The following GDI2 variants were observed in gnomAD, a reference collection of about 807,000 sequenced individuals.
The protein encoded by GDI2 is rab GDP dissociation inhibitor beta.
A neutral mutation model predicts 54.2 loss-of-function variants in GDI2; 22 were observed. That is an observed-to-expected ratio of 0.41 (90% confidence interval 0.29 to 0.58). The LOEUF is 0.58. Among genes scored for constraint, GDI2 ranks in the 20% least tolerant of loss-of-function variants. The pLI is 0.35. For missense variants in GDI2, 422 were observed against 546.0 expected, an observed-to-expected ratio of 0.77 and a Z score of 2.26; for synonymous variants, 177 against 182.1, an observed-to-expected ratio of 0.97 and a Z score of 0.23.
At chr10:5,771,371 C>G (rs1840484893) in intron 7 of GDI2, among the ~76,000 whole-genome samples, 2 of 152,190 alleles carry the variant, frequency 1.3e-5, no homozygotes, top group Admixed American at 6.5e-5. Flanking sequence ...CACGTCCAGC[C>G]CCTTGAATGC....
At chr10:5,794,188 A>AAAAAAAATATATAT (rs1448053813) in intron 4 of GDI2, among the ~76,000 whole-genome samples, 1 of 40,340 alleles carries the variant, frequency 2.5e-5, no homozygotes, top group Non-Finnish European at 4.2e-5. Flanking sequence ...AAAAAAAAAA[A>AAAAAAAATATATAT]ATATATATAT....
intron 8 of GDI2, among the ~76,000 whole-genome samples, chr10:5,767,945 G>C (rs1056653041): frequency 5.3e-5 from 8 of 152,280 alleles, no homozygotes; most frequent in African/African-American, 1.7e-4. Context: ...CCTACTGTTA[G>C]TTAGAGCTGG....
chr10:5,796,995 T>C (rs574062520), intron 2 of GDI2, 133 bp from the exon 3 acceptor site: 61 of 507,688 alleles, frequency 1.2e-4, no homozygotes, highest in Non-Finnish European at 1.4e-4. Flanking sequence ...GGGCATTTCA[T>C]CTTTTATCAG....
chr10:5,772,667 G>GA (rs1426579604), intron 7 of GDI2, among the ~76,000 whole-genome samples: 2 of 152,146 alleles, frequency 1.3e-5, no homozygotes, highest in Non-Finnish European at 2.9e-5. Flanking sequence ...TGAGGTAGGA[G>GA]AATCACTTGA....
intron 4 of GDI2, among the ~76,000 whole-genome samples, chr10:5,793,157 G>A (rs1022068698): frequency 2.6e-5 from 4 of 151,830 alleles, no homozygotes; most frequent in African/African-American, 9.7e-5. Context: ...ACCACATCTG[G>A]CTAATTTTCT....
At chr10:5,783,630 T>C (rs537675840) in intron 6 of GDI2, among the ~76,000 whole-genome samples, 36 of 152,334 alleles carry the variant, frequency 2.4e-4, no homozygotes, top group South Asian at 1.7e-3. Context: ...TTAGCAGTTC[T>C]TGTAGTGCTG....
At position 5,766,276 on chromosome 10, in the gene GDI2, G is replaced by A; in HGVS notation, c.1156C>T (p.Leu386Phe). 3 of 1,613,458 alleles carry A rather than the reference G, an allele frequency of 1.9e-6. No homozygotes were observed. Among genetic ancestry groups the A allele is most frequent in the Non-Finnish European group, 1.7e-6 (2 of 1,179,394 alleles). Reference protein sequence around the residue: ...IEQKFVSISDLLVPKDLGTES... With the variant: ...IEQKFVSISDFLVPKDLGTES... ...GTTCCCAAGTCTTTTGGTACCAGGA[G>A]GTCACTGATGCTAACAAATCTGGAG... Residue 386 changes from leucine (L) to phenylalanine (F), a missense_variant, in exon 10 of 11, where the codon CTC (leucine) becomes TTC (phenylalanine). By Grantham distance (22) the Leu-to-Phe change is conservative (BLOSUM62 0). Transcript: ENST00000380191. This position sits in a 1 kb window ranked among gnomAD's most constrained non-coding sequence, Gnocchi z 5.8.
At chr10:5,771,655 C>G (rs1840491725) in intron 7 of GDI2, among the ~76,000 whole-genome samples, 1 of 151,912 alleles carries the variant, frequency 6.6e-6, no homozygotes, top group Non-Finnish European at 1.5e-5. Context: ...TAAGGCTATG[C>G]TTCCTAAGAA....
intron 2 of GDI2, among the ~76,000 whole-genome samples, chr10:5,800,316 C>A (rs945231807): frequency 2.6e-5 from 4 of 152,046 alleles, no homozygotes; most frequent in African/African-American, 9.7e-5. Flanking sequence ...ATAAATAAAG[C>A]CATGAGGAAA....
intron 1 of GDI2, among the ~76,000 whole-genome samples, chr10:5,804,079 A>G (rs1841323404): frequency 7.0e-6 from 1 of 142,468 alleles, no homozygotes; most frequent in African/African-American, 2.5e-5. Context: ...TCACTATAGG[A>G]GTGTGAATCA....
chr10:5,792,662 T>C (rs1345726893), intron 4 of GDI2, among the ~76,000 whole-genome samples: 1 of 143,660 alleles, frequency 7.0e-6, no homozygotes, highest in Non-Finnish European at 1.5e-5. Flanking sequence ...GCCTTAAAAA[T>C]ATATACAGAA....
intron 6 of GDI2, among the ~76,000 whole-genome samples, chr10:5,777,507 C>T (rs934783755): frequency 2.0e-5 from 3 of 152,028 alleles, no homozygotes; most frequent in African/African-American, 7.2e-5. Flanking sequence ...AACATTTATG[C>T]AGCCAAGAAA....
At chr10:5,795,864 T>TA (rs1363180327) in intron 3 of GDI2, among the ~76,000 whole-genome samples, 1 of 152,166 alleles carries the variant, frequency 6.6e-6, no homozygotes, top group Non-Finnish European at 1.5e-5. Flanking sequence ...AAGGCTTCAG[T>TA]AAGCTATGAT....
rs996358413 is a variant in GDI2, at chr10:5,774,723, G to A, written c.720-782C>T. Among the ~76,000 whole-genome samples the A allele has an allele frequency of 6.6e-6, 1 of 152,176 alleles. No homozygotes were observed. Among genetic ancestry groups the A allele is most frequent in the African/African-American group, 2.4e-5 (1 of 41,442 alleles). ...AGGCTAAAGCCTAAAGCCATGCGAT[G>A]TCTGGGTTTTACTCTGCTTCTTCAA... On this transcript the variant is annotated intron_variant, in intron 6 of 10. Coordinates refer to ENST00000380191, the MANE Select transcript of GDI2 (RefSeq NM_001494.4). This position sits in a 1 kb window ranked among gnomAD's most constrained non-coding sequence, Gnocchi z 4.8.
At chr10:5,800,068 C>T (rs1464722789) in intron 2 of GDI2, among the ~76,000 whole-genome samples, 1 of 152,160 alleles carries the variant, frequency 6.6e-6, no homozygotes, top group African/African-American at 2.4e-5. Flanking sequence ...CAGTACACAT[C>T]ATATCCATAT....
chr10:5,783,226 T>TA (rs1840801205), intron 6 of GDI2, among the ~76,000 whole-genome samples: 1 of 152,092 alleles, frequency 6.6e-6, no homozygotes, highest in Non-Finnish European at 1.5e-5. Flanking sequence ...TGATTTTTTT[T>TA]AAAATATATA....
intron 1 of GDI2, among the ~76,000 whole-genome samples, chr10:5,808,345 T>TC (rs1841418317): frequency 6.6e-6 from 1 of 150,460 alleles, no homozygotes; most frequent in Non-Finnish European, 1.5e-5. Flanking sequence ...AAACAAAAAA[T>TC]CCTCTACACC....
At chr10:5,790,348 A>C (rs1840983596) in intron 4 of GDI2, among the ~76,000 whole-genome samples, 1 of 152,182 alleles carries the variant, frequency 6.6e-6, no homozygotes, top group South Asian at 2.1e-4. Flanking sequence ...ACAGTATATA[A>C]TACATTATCA....
intron 7 of GDI2, among the ~76,000 whole-genome samples, chr10:5,769,596 G>A (rs1295614463): frequency 6.6e-6 from 1 of 151,092 alleles, no homozygotes; most frequent in African/African-American, 2.4e-5. Flanking sequence ...AAAAATCGAA[G>A]GACTTGAATA....
Sources: gnomAD v4.1 joint callset for allele counts (sites outside exome capture counted in the v4.1 genomes callset) on GRCh38, gnomAD v4.1.1 for gene constraint, Gnocchi (gnomAD v3.1) non-coding constraint, MANE v1.5 for transcripts, NCBI Gene and HGNC (gene_info 2026-07-23, HGNC 2026-07-21) for gene names.